SETD1B: variants seen among roughly 807,000 people sequenced by gnomAD.
SETD1B encodes the protein histone-lysine N-methyltransferase SETD1B.
In SETD1B, 7 loss-of-function variants were observed where a neutral mutation model predicts 148.0. That is an observed-to-expected ratio of 0.05 (90% CI 0.03 to 0.09). The LOEUF (loss-of-function observed/expected upper bound fraction) is 0.09. Ranked by LOEUF, SETD1B falls within the 10% of genes least tolerant of loss-of-function variation. SETD1B has a pLI of 1.00. For missense variants in SETD1B, 2,155 were observed against 2,729.9 expected, an observed-to-expected ratio of 0.79 and a Z score of 4.69; for synonymous variants, 1,361 against 1,186.5, an observed-to-expected ratio of 1.15 and a Z score of -3.02.
At chr12:121,816,779 A>G (rs1876310167) in intron 7 of SETD1B, among the ~76,000 whole-genome samples, 1 of 152,248 alleles carries the variant, frequency 6.6e-6, no homozygotes, top group Non-Finnish European at 1.5e-5. Context: ...TGCAAAGTGC[A>G]AAGGCCACTG....
Position 121,823,337 on chromosome 12 carries a change from T to TTGCCC in SETD1B, c.4758_4759insTGCCC (p.Pro1587CysfsTer15). ...GGATCCCAGCCCCTCCACCACCCCT[T>TTGCCC]CCCCCCCAGCCACCCCCACCCCCAC... On this transcript the variant is annotated frameshift_variant, in exon 12 of 17. Coordinates refer to ENST00000604567, the MANE Select transcript of SETD1B (RefSeq NM_001353345.2). LOFTEE classifies it high-confidence loss of function. 1.2e-6 allele frequency: 1 copy of TTGCCC among 809,486 alleles called. No homozygotes were observed. Among genetic ancestry groups the TTGCCC allele is most frequent in the Non-Finnish European group, 1.8e-6 (1 of 560,560 alleles). 50.1% of individuals were successfully genotyped at this position (809,486 alleles called of 1,614,324 possible).
At chr12:121,797,765 T>G in the SETD1B span, 1 of 362,628 alleles carries the variant, frequency 2.8e-6, no homozygotes, top group East Asian at 7.4e-5. Flanking sequence ...GAGGGTAACG[T>G]GAGAGCAACG....
chr12:121,817,456 C>A lies in SETD1B; in HGVS notation c.3064C>A (p.Arg1022=), dbSNP rs1316518502. 1 of 1,547,424 alleles carries A rather than the reference C, an allele frequency of 6.5e-7. No homozygotes were observed. Among genetic ancestry groups the A allele is most frequent in the East Asian group, 2.5e-5 (1 of 40,794 alleles). ...CCCCAAGGGCGTGGGTGTGCGGCGG[C>A]GGCCGGCGCGGCCTCTGGAGCTGGA... ...RDPKGVGVRR[R]PARPLELDSG... is the part of the protein sequence containing the mutation. The change falls in exon 9 of 17, where the codon CGG becomes AGG. Residue 1022 remains arginine (R), a synonymous_variant. Transcript: ENST00000604567. The surrounding 1 kb of genome is among the most constrained non-coding windows in gnomAD (Gnocchi z 8.1).
the SETD1B span, chr12:121,797,690 G>A: frequency 4.5e-6 from 2 of 443,038 alleles, no homozygotes; most frequent in African/African-American, 4.0e-5. Flanking sequence ...AGCAGGTGGG[G>A]AGTAAAGACC....
In SETD1B at chr12:121,822,891, G is replaced by C. The variant is rs1423328258; in HGVS notation, c.4312G>C (p.Glu1438Gln). ...CTTCAGCTTCACACCCACCTTCTCC[G>C]AGCCCAGCGGGCCCTTGCTCCTGCC... ...RDFSFTPTFS[E>Q]PSGPLLLPVC... The change falls in exon 12 of 17, where the codon GAG (glutamate) becomes CAG (glutamine). Residue 1438 changes from glutamate (E) to glutamine (Q), a missense_variant. Physicochemically the swap from Glu to Gln is conservative, Grantham distance 29. Transcript: ENST00000604567. The C allele has an allele frequency of 6.7e-7, 1 of 1,491,924 alleles. No homozygotes were observed. The highest frequency in any genetic ancestry group is 2.5e-5 in the East Asian group (1 of 40,324). The allele number at this position is 1,491,924 out of a possible 1,614,324, so 92.4% of individuals were successfully genotyped here.
At position 121,808,272 on chromosome 12, in the gene SETD1B, A is replaced by C. The variant is rs1875844635; in HGVS notation, c.609A>C (p.Pro203=). ...VTGRYTPQTL[P]VGELDAVSPI... ...GCCGATACACCCCCCAGACCCTCCC[A>C]GTGGGCGAGCTGGACGCTGTCTCTC... The change falls in exon 5 of 17, where the codon CCA becomes CCC. Residue 203 remains proline, a synonymous_variant. Coordinates refer to ENST00000604567, the MANE Select transcript of SETD1B (RefSeq NM_001353345.2). The surrounding 1 kb of genome is among the most constrained non-coding windows in gnomAD (Gnocchi z 5.3). 3.3e-6 allele frequency: 5 copies of C among 1,525,430 alleles called. No homozygotes were observed. The highest frequency in any genetic ancestry group is 4.4e-6 in the Non-Finnish European group (5 of 1,133,926). 94.5% of individuals were successfully genotyped at this position (1,525,430 alleles called of 1,614,324 possible).
At chr12:121,809,582 G>C in intron 5 of SETD1B, 21 bp from the exon 6 acceptor site, 8 of 1,523,700 alleles carry the variant, frequency 5.3e-6, no homozygotes, top group Non-Finnish European at 7.1e-6. Flanking sequence ...CCAGTGGTCT[G>C]ACATCTCTGT....
In SETD1B at chr12:121,830,030, A is replaced by T. The variant is rs749882508; in HGVS notation, c.5728-36A>T. 6 of 1,533,778 alleles carry T rather than the reference A, an allele frequency of 3.9e-6. No individual in the cohort carries two copies. The South Asian group carries it at 7.3e-5, about 19-fold the overall frequency. ...CTGCAGTGGTGGGGGACCCTGGGGG[A>T]CCAGGGGCTCATTCTCCCCCCCACC... On this transcript the variant is annotated intron_variant, in intron 16 of 16. Transcript: ENST00000604567. The surrounding 1 kb of genome is among the most constrained non-coding windows in gnomAD (Gnocchi z 5.7).
rs1161761517 is a variant in SETD1B at position 121,831,621 on chromosome 12, A to G, written c.*1382A>G. ...TTTTTGCTCATTTCTTTGTACTTCC[A>G]AAAAAAAAGGAAAAAAAAGACAAAA... On this transcript the variant is annotated 3_prime_UTR_variant, in exon 17 of 17. Coordinates refer to ENST00000604567, the MANE Select transcript of SETD1B (RefSeq NM_001353345.2). The G allele has an allele frequency of 6.7e-6, 1 of 149,048 alleles. No individual in the cohort carries two copies. Among genetic ancestry groups the G allele is most frequent in the Non-Finnish European group, 1.5e-5 (1 of 66,866 alleles). 9.2% of individuals were successfully genotyped at this position (149,048 alleles called of 1,614,324 possible). A position where few individuals can be genotyped will look rare whatever the true frequency, so the allele number is the denominator to read the frequency against.
intron 4 of SETD1B, among the ~76,000 whole-genome samples, chr12:121,807,230 C>T (rs1181026182): frequency 6.6e-6 from 1 of 152,106 alleles, no homozygotes; most frequent in Non-Finnish European, 1.5e-5. Context: ...TCTGTTCCTC[C>T]TCTCAGGGCA....
the SETD1B span, among the ~76,000 whole-genome samples, chr12:121,796,557 T>C: frequency 3.9e-5 from 6 of 152,178 alleles, no homozygotes; most frequent in East Asian, 7.7e-4. Flanking sequence ...CAGAAGACAC[T>C]CAGCCTTCAG....
In SETD1B at chr12:121,826,045, T is replaced by C. The variant is rs867812614; in HGVS notation, c.5337+679T>C. ...AGCAGTGAACAAAACCAAATCCTAT[T>C]CCTCGTGGAATTTAATTATTTATTT... On this transcript the variant is annotated intron_variant, in intron 13 of 16. Coordinates refer to ENST00000604567, the MANE Select transcript of SETD1B (RefSeq NM_001353345.2). Among the ~76,000 whole-genome samples, 7 of 152,138 alleles carry C rather than the reference T, an allele frequency of 4.6e-5. No homozygotes were observed. The South Asian group carries it at 1.0e-3, about 23-fold the overall frequency.
intron 6 of SETD1B, 34 bp from the exon 7 acceptor site, chr12:121,814,072 C>T (rs1216343023): frequency 1.3e-6 from 2 of 1,520,118 alleles, no homozygotes; most frequent in Non-Finnish European, 1.8e-6. Flanking sequence ...GCCTTCCAGA[C>T]TCACCTCACT....
chr12:121,811,201 C>T (rs1876017164), intron 6 of SETD1B, among the ~76,000 whole-genome samples: 1 of 152,168 alleles, frequency 6.6e-6, no homozygotes, highest in Admixed American at 6.5e-5. Flanking sequence ...GGCTCTTGGT[C>T]CCCTTGTCTG....
At chr12:121,793,372 AG>A in the SETD1B span, 2 of 1,438,670 alleles carry the variant, frequency 1.4e-6, no homozygotes, top group Admixed American at 4.0e-5. Context: ...GGAATTCCCG[AG>A]GGGGCGCCCC....
the SETD1B span, among the ~76,000 whole-genome samples, chr12:121,791,025 C>T: frequency 3.9e-5 from 6 of 151,954 alleles, no homozygotes; most frequent in Non-Finnish European, 2.9e-5. Flanking sequence ...AGGTATGTGC[C>T]AACACGCCTG....
chr12:121,822,337 G>C (rs1477746372), intron 11 of SETD1B, among the ~76,000 whole-genome samples, 153 bp from the exon 12 acceptor site: 1 of 152,170 alleles, frequency 6.6e-6, no homozygotes, highest in Non-Finnish European at 1.5e-5. Context: ...TGGGTTGGGC[G>C]CTGAGGAGTC....
intron 11 of SETD1B, among the ~76,000 whole-genome samples, chr12:121,821,168 A>C (rs1346574582): frequency 6.6e-6 from 1 of 152,224 alleles, no homozygotes; most frequent in Non-Finnish European, 1.5e-5. Context: ...TTGACTCAAT[A>C]CTAAGCCTCT....
At chr12:121,798,699 A>G in the SETD1B span, among the ~76,000 whole-genome samples, 8 of 152,192 alleles carry the variant, frequency 5.3e-5, no homozygotes, top group Non-Finnish European at 1.0e-4. Flanking sequence ...TAGCCCTCAC[A>G]GCGGGAGTGG....
Sources: allele counts gnomAD v4.1 joint callset (sites outside exome capture counted in the v4.1 genomes callset), GRCh38; gene constraint gnomAD v4.1.1; non-coding constraint Gnocchi (gnomAD v3.1); transcripts MANE v1.5; gene names NCBI Gene and HGNC (gene_info 2026-07-23, HGNC 2026-07-21).